Variants in ACADL observed in about 807,000 individuals in gnomAD.
The protein encoded by ACADL is acyl-CoA dehydrogenase long chain.
Under a neutral mutation model 56.9 loss-of-function variants are expected in ACADL, and 60 were observed. The ratio of observed to expected loss-of-function variants is 1.05; its 90% CI spans 0.86 to 1.31. The LOEUF is 1.31. ACADL is among the 50% of genes most tolerant of loss of function. The probability of loss-of-function intolerance (pLI) is 0.00; values close to 1 mark genes in which losing one functional copy is unlikely to be tolerated. For missense variants in ACADL, 484 were observed against 525.5 expected, an observed-to-expected ratio of 0.92 and a Z score of 0.77; for synonymous variants, 158 against 179.7, an observed-to-expected ratio of 0.88 and a Z score of 0.97.
Position 210,205,677 on chromosome 2 carries a change from TC to T in ACADL, c.722del (p.Gly241AspfsTer13), listed in dbSNP as rs1401740167. 1.2e-6 allele frequency: 2 copies of T among 1,613,854 alleles called. No homozygotes were observed. The highest frequency in any genetic ancestry group is 1.3e-5 in the African/African-American group (1 of 74,896). Reference protein sequence around the residue: ...SLFLVENGMKGFIKGRKLHKM... With the variant: ...SLFLVENGMKXFIKGRKLHKM... ...TATGTAGCTTTCGTCCCTTGATAAA[TC>T]CTTTCATTCCATTTTCCACCAGAAA... is the stretch of plus-strand genomic sequence containing the variant. On this transcript the variant is annotated frameshift_variant, in exon 6 of 11. Transcript: ENST00000233710. LOFTEE classifies it high-confidence loss of function.
At chr2:210,224,908 A>C in intron 1 of ACADL, 2 of 1,267,626 alleles carry the variant, frequency 1.6e-6, no homozygotes, top group Admixed American at 4.4e-5. Context: ...GGGCTCCGGA[A>C]TGAACTTCTG....
At chr2:210,201,820 C>T (rs60523731) in intron 8 of ACADL, among the ~76,000 whole-genome samples, 3,616 of 152,192 alleles carry the variant, frequency 0.024, 160 homozygotes, top group African/African-American at 0.08. Context: ...TTAGTGACTG[C>T]GGCCACTATA....
chr2:210,197,042 C>T (rs967489968), intron 8 of ACADL, among the ~76,000 whole-genome samples: 38 of 152,088 alleles, frequency 2.5e-4, no homozygotes, highest in African/African-American at 8.5e-4. Flanking sequence ...CTTACCATTT[C>T]TGGAAAAGAG....
intron 1 of ACADL, among the ~76,000 whole-genome samples, chr2:210,222,163 G>A (rs1197889779): frequency 2.0e-5 from 3 of 152,060 alleles, no homozygotes; most frequent in Non-Finnish European, 2.9e-5. Flanking sequence ...ATACAATAAC[G>A]AACAAAGGAC....
intron 4 of ACADL, among the ~76,000 whole-genome samples, chr2:210,215,040 G>C (rs571714219): frequency 2.6e-5 from 4 of 152,104 alleles, no homozygotes; most frequent in Middle Eastern, 3.4e-3. Context: ...CAATAAAAAA[G>C]GAGGGCCTGA....
At chr2:210,197,572 T>A (rs1489432531) in intron 8 of ACADL, among the ~76,000 whole-genome samples, 1 of 152,144 alleles carries the variant, frequency 6.6e-6, no homozygotes, top group African/African-American at 2.4e-5. Flanking sequence ...CTGAAGATGG[T>A]TTCTAAGCCT....
intron 5 of ACADL, 51 bp from the exon 6 acceptor site, chr2:210,205,847 G>A (rs1559637139): frequency 1.2e-6 from 2 of 1,602,930 alleles, no homozygotes; most frequent in Non-Finnish European, 1.7e-6. Context: ...TCAATTCTAT[G>A]TGCAAGTTAT....
At chr2:210,204,899 C>T (rs1036759587) in intron 6 of ACADL, among the ~76,000 whole-genome samples, 1 of 152,224 alleles carries the variant, frequency 6.6e-6, no homozygotes, top group Non-Finnish European at 1.5e-5. Context: ...CTGCAATACA[C>T]TATCATTCCA....
At chr2:210,205,014 GT>G (rs535902380) in intron 6 of ACADL, among the ~76,000 whole-genome samples, 2 of 151,622 alleles carry the variant, frequency 1.3e-5, no homozygotes, top group African/African-American at 4.8e-5. Flanking sequence ...CATTTTCTGG[GT>G]TTTTTTTGTT....
chr2:210,196,952 C>T (rs191470843), intron 8 of ACADL, among the ~76,000 whole-genome samples: 2 of 152,302 alleles, frequency 1.3e-5, no homozygotes, highest in Non-Finnish European at 2.9e-5. Flanking sequence ...ACATGGTCTG[C>T]TTTTAATGCT....
chr2:210,217,440 T>C (rs2125717295), intron 3 of ACADL: 1 of 154,862 alleles, frequency 6.5e-6, no homozygotes, highest in Admixed American at 6.4e-5. Flanking sequence ...TTTTTCATTT[T>C]CACTAATTTT....
intron 4 of ACADL, among the ~76,000 whole-genome samples, chr2:210,212,821 A>T (rs947643139): frequency 6.6e-6 from 1 of 152,206 alleles, no homozygotes; most frequent in African/African-American, 2.4e-5. Context: ...GTTAAATTAT[A>T]TTATTAAAAT....
chr2:210,216,647 T>C (rs1040351669), intron 3 of ACADL, 136 bp from the exon 4 acceptor site: 1 of 826,300 alleles, frequency 1.2e-6, no homozygotes, highest in Non-Finnish European at 1.9e-6. Context: ...CATTCCTGAG[T>C]GTTTTCTCTT....
intron 2 of ACADL, among the ~76,000 whole-genome samples, chr2:210,220,179 T>A (rs1473708454): frequency 6.6e-6 from 1 of 152,164 alleles, no homozygotes; most frequent in Non-Finnish European, 1.5e-5. Context: ...GAGTGAATTT[T>A]GGAAATGAAG....
chr2:210,217,958 T>C lies in ACADL; in HGVS notation c.371+7A>G. The C allele has an allele frequency of 6.2e-7, 1 of 1,614,046 alleles. No homozygotes were observed. Among genetic ancestry groups the C allele is most frequent in the Non-Finnish European group, 8.5e-7 (1 of 1,179,968 alleles). On this transcript the variant is annotated splice_region_variant and intron_variant, in intron 3 of 10. Coordinates refer to ENST00000233710, the MANE Select transcript of ACADL (RefSeq NM_001608.4). ...CAAGACTCAACCTTAAAAGTCTCCA[T>C]ACTTACTGCTCCTCCCAGACAATAG...
chr2:210,210,382 A>T (rs750755059), intron 4 of ACADL, 120 bp from the exon 5 acceptor site: 16 of 715,596 alleles, frequency 2.2e-5, no homozygotes, highest in Non-Finnish European at 3.8e-5. Context: ...AAAATTGCTG[A>T]GTATTAAGAA....
At position 210,188,857 on chromosome 2, in the gene ACADL, G is replaced by A; in HGVS notation, c.*104C>T. ...ATTTCCTTCTCTATAGAGAGAGCAGGTAAAAACATGTTTAGTGTTTCCTCG... is the reference window on the plus strand; with the variant it reads ...ATTTCCTTCTCTATAGAGAGAGCAGATAAAAACATGTTTAGTGTTTCCTCG... On this transcript the variant is annotated 3_prime_UTR_variant, in exon 11 of 11. Coordinates refer to ENST00000233710, the MANE Select transcript of ACADL (RefSeq NM_001608.4). 1 of 824,354 alleles carries A rather than the reference G, an allele frequency of 1.2e-6. No homozygotes were observed. Among genetic ancestry groups the A allele is most frequent in the Non-Finnish European group, 2.1e-6 (1 of 468,920 alleles). The allele number at this position is 824,354 out of a possible 1,614,324, so 51.1% of individuals were successfully genotyped here.
At chr2:210,210,031 C>A (rs886901763) in intron 5 of ACADL, 165 bp downstream of exon 5, 4 of 613,510 alleles carry the variant, frequency 6.5e-6, no homozygotes, top group African/African-American at 5.5e-5. Flanking sequence ...TACCACAGAT[C>A]TTAAGTAATA....
At chr2:210,196,920 G>A (rs1688718792) in intron 8 of ACADL, among the ~76,000 whole-genome samples, 1 of 152,186 alleles carries the variant, frequency 6.6e-6, no homozygotes, top group Admixed American at 6.5e-5. Flanking sequence ...AAGGAGGGTG[G>A]TGGGACACAT....
Sources: gnomAD v4.1 joint callset for allele counts (sites outside exome capture counted in the v4.1 genomes callset) on GRCh38, gnomAD v4.1.1 for gene constraint, MANE v1.5 for transcripts, NCBI Gene and HGNC (gene_info 2026-07-23, HGNC 2026-07-21) for gene names.